The following ANKIB1 variants were observed in gnomAD, a reference collection of about 807,000 sequenced individuals.
ANKIB1 encodes the protein ankyrin repeat and IBR domain-containing protein 1.
In ANKIB1, 43 loss-of-function variants were observed where a neutral mutation model predicts 122.1. That is an observed-to-expected ratio of 0.35 (90% CI 0.28 to 0.45). The LOEUF (loss-of-function observed/expected upper bound fraction) is 0.45. Ranked by LOEUF, ANKIB1 falls within the 20% of genes least tolerant of loss-of-function variation. ANKIB1 has a pLI of 1.00. For synonymous variants in ANKIB1, 390 were observed against 442.0 expected (o/e 0.88, Z 1.48); for missense variants, 992 against 1,329.5 (o/e 0.75, Z 3.95).
chr7:92,387,741 A>C, intron 12 of ANKIB1, 57 bp from the exon 13 acceptor site: 2 of 1,348,858 alleles, frequency 1.5e-6, no homozygotes, highest in Admixed American at 2.3e-5. Context: ...CCCCCAAAAA[A>C]CTATTTTAGT....
intron 1 of ANKIB1, among the ~76,000 whole-genome samples, chr7:92,262,641 A>C (rs1394069254): frequency 6.6e-6 from 1 of 152,176 alleles, no homozygotes; most frequent in Non-Finnish European, 1.5e-5. Context: ...GAAGAAGAAA[A>C]TATACCAGTA....
chr7:92,351,109 C>CAATT lies in ANKIB1; in HGVS notation c.1230+17_1230+20dup, dbSNP rs1169638807. 6.8e-7 allele frequency: 1 copy of CAATT among 1,481,184 alleles called. No homozygotes were observed. Among genetic ancestry groups the CAATT allele is most frequent in the Non-Finnish European group, 9.0e-7 (1 of 1,115,882 alleles). The allele number at this position is 1,481,184 out of a possible 1,614,324, so 91.8% of individuals were successfully genotyped here. A position where few individuals can be genotyped will look rare whatever the true frequency, so the allele number is the denominator to read the frequency against. On this transcript the variant is annotated intron_variant, in intron 8 of 19. Coordinates refer to ENST00000265742, the MANE Select transcript of ANKIB1 (RefSeq NM_019004.2). Reference sequence around the variant, plus strand: ...TTGATATTAAGGTAAGGTATACTGCCAATTATCTGTCCAATTTCCATAATT... The same window carrying CAATT: ...TTGATATTAAGGTAAGGTATACTGCCAATTAATTATCTGTCCAATTTCCATAATT...
intron 9 of ANKIB1, among the ~76,000 whole-genome samples, chr7:92,354,179 T>C (rs1326274810): frequency 6.6e-6 from 1 of 152,164 alleles, no homozygotes; most frequent in Non-Finnish European, 1.5e-5. Flanking sequence ...AGAAAGCTAA[T>C]GGAAAAAACC....
rs376649495 is a variant in ANKIB1, at chr7:92,375,054, T to C, written c.1617+3447T>C. On this transcript the variant is annotated intron_variant, in intron 11 of 19. Coordinates refer to ENST00000265742, the MANE Select transcript of ANKIB1 (RefSeq NM_019004.2). ...CTGCATATAAAAGTTTAACTGTAAATTCACACTGTCTGTTAAGTGTAATAG... is the reference window on the plus strand; with the variant it reads ...CTGCATATAAAAGTTTAACTGTAAACTCACACTGTCTGTTAAGTGTAATAG... Among the ~76,000 whole-genome samples the C allele has an allele frequency of 3.2e-4, 48 of 150,324 alleles. 1 individual carries two copies. Among genetic ancestry groups the C allele is most frequent in the African/African-American group, 1.0e-3 (41 of 39,662 alleles).
chr7:92,380,251 C>G (rs1804481648), intron 11 of ANKIB1, among the ~76,000 whole-genome samples: 1 of 152,124 alleles, frequency 6.6e-6, no homozygotes, highest in Non-Finnish European at 1.5e-5. Flanking sequence ...GGGTGGAGCC[C>G]ACCACAGCTC....
At position 92,398,421 on chromosome 7, in the gene ANKIB1, G is replaced by A. The variant is rs919174188; in HGVS notation, c.2742G>A (p.Glu914=). 2 of 1,613,640 alleles carry A rather than the reference G, an allele frequency of 1.2e-6. No individual in the cohort carries two copies. Among genetic ancestry groups the A allele is most frequent in the Non-Finnish European group, 1.7e-6 (2 of 1,179,802 alleles). ...DSPRAALSSS[E]LLELGDSLMR... is the part of the protein sequence containing the mutation. Reference sequence around the variant, plus strand: ...CTCGGGCTGCATTGAGCAGCTCTGAGCTTTTGGAACTTGGTGACAGCCTCA... The same window carrying A: ...CTCGGGCTGCATTGAGCAGCTCTGAACTTTTGGAACTTGGTGACAGCCTCA... The change falls in exon 20 of 20, where the codon GAG becomes GAA. Residue 914 remains glutamate, a synonymous_variant. Transcript: ENST00000265742.
At chr7:92,312,579 C>T (rs1008111907) in intron 3 of ANKIB1, among the ~76,000 whole-genome samples, 4 of 151,998 alleles carry the variant, frequency 2.6e-5, no homozygotes, top group Admixed American at 6.6e-5. Flanking sequence ...TTATAATTTT[C>T]GTATGTCATG....
intron 11 of ANKIB1, among the ~76,000 whole-genome samples, chr7:92,378,592 A>G (rs1240184793): frequency 6.6e-6 from 1 of 152,142 alleles, no homozygotes; most frequent in African/African-American, 2.4e-5. Context: ...AAGCTAGCAT[A>G]TTTAATGAGG....
intron 1 of ANKIB1, among the ~76,000 whole-genome samples, chr7:92,269,199 T>A (rs1233873306): frequency 6.6e-6 from 1 of 152,204 alleles, no homozygotes; most frequent in Non-Finnish European, 1.5e-5. Context: ...ATTGAATCAG[T>A]GGGATAGCAT....
chr7:92,248,312 A>C (rs1037518013), intron 1 of ANKIB1, among the ~76,000 whole-genome samples: 1 of 152,108 alleles, frequency 6.6e-6, no homozygotes, highest in African/African-American at 2.4e-5. Context: ...CAAGGGCTCT[A>C]ACAGGTAGGT....
At chr7:92,317,397 G>A (rs1285511240) in intron 3 of ANKIB1, among the ~76,000 whole-genome samples, 2 of 152,180 alleles carry the variant, frequency 1.3e-5, no homozygotes. Flanking sequence ...CACACTTGCA[G>A]TAAAAAGGTT....
chr7:92,345,716 A>G (rs186790274), intron 7 of ANKIB1, among the ~76,000 whole-genome samples: 37 of 152,334 alleles, frequency 2.4e-4, no homozygotes, highest in South Asian at 4.1e-4. Flanking sequence ...ATCTCTGGAG[A>G]CACACAAAGC....
intron 1 of ANKIB1, among the ~76,000 whole-genome samples, chr7:92,276,047 A>G (rs1222910040): frequency 1.3e-5 from 2 of 152,218 alleles, no homozygotes; most frequent in African/African-American, 4.8e-5. Context: ...AAGTTTTGCA[A>G]AACTACACTT....
chr7:92,360,144 A>G (rs1009222393), intron 9 of ANKIB1, among the ~76,000 whole-genome samples: 5 of 152,136 alleles, frequency 3.3e-5, no homozygotes, highest in Non-Finnish European at 4.4e-5. Flanking sequence ...CAGTGCAACT[A>G]TAACATTTCA....
At chr7:92,375,693 A>G (rs904730152) in intron 11 of ANKIB1, among the ~76,000 whole-genome samples, 2 of 152,236 alleles carry the variant, frequency 1.3e-5, no homozygotes, top group East Asian at 3.9e-4. Flanking sequence ...ACTCCTGTTC[A>G]TGTTGATATT....
chr7:92,350,467 T>C (rs1803637300), intron 7 of ANKIB1, among the ~76,000 whole-genome samples: 1 of 152,200 alleles, frequency 6.6e-6, no homozygotes, highest in South Asian at 2.1e-4. Context: ...TATATTGATA[T>C]ATAAAATGAA....
intron 11 of ANKIB1, among the ~76,000 whole-genome samples, chr7:92,378,612 T>G (rs1804440666): frequency 6.6e-6 from 1 of 151,748 alleles, no homozygotes; most frequent in South Asian, 2.1e-4. Flanking sequence ...GAAACTAGAG[T>G]CACTCCCACT....
At chr7:92,266,474 C>T (rs570977220) in intron 1 of ANKIB1, among the ~76,000 whole-genome samples, 1 of 152,134 alleles carries the variant, frequency 6.6e-6, no homozygotes, top group Non-Finnish European at 1.5e-5. Flanking sequence ...AAGAGGCCCC[C>T]CTCTACCATC....
chr7:92,327,626 T>G (rs1427061362), intron 4 of ANKIB1, among the ~76,000 whole-genome samples, 157 bp from the exon 5 acceptor site: 1 of 146,626 alleles, frequency 6.8e-6, no homozygotes, highest in Non-Finnish European at 1.5e-5. Flanking sequence ...AGACACAACC[T>G]TTTTTTTTTT....
Sources: allele counts gnomAD v4.1 joint callset (sites outside exome capture counted in the v4.1 genomes callset), GRCh38; gene constraint gnomAD v4.1.1; transcripts MANE v1.5; gene names NCBI Gene and HGNC (gene_info 2026-07-23, HGNC 2026-07-21).